The following RALGPS1 variants were observed in gnomAD, a reference collection of about 807,000 sequenced individuals.
RALGPS1 encodes ras-specific guanine nucleotide-releasing factor RalGPS1.
Under a neutral mutation model 78.8 loss-of-function variants are expected in RALGPS1, and 19 were observed. That is an observed-to-expected ratio of 0.24 (90% CI 0.17 to 0.35). The LOEUF (loss-of-function observed/expected upper bound fraction) is 0.35, where lower values mean the gene tolerates loss of function less well. Ranked by LOEUF, RALGPS1 falls within the 10% of genes least tolerant of loss-of-function variation. The probability of loss-of-function intolerance (pLI) is 1.00; values close to 1 mark genes in which losing one functional copy is unlikely to be tolerated. For synonymous variants in RALGPS1, 228 were observed against 256.3 expected, an observed-to-expected ratio of 0.89 and a Z score of 1.06; for missense variants, 454 against 688.3, an observed-to-expected ratio of 0.66 and a Z score of 3.81.
chr9:126,930,119 T>C (rs2035661326), intron 1 of RALGPS1, among the ~76,000 whole-genome samples: 1 of 152,076 alleles, frequency 6.6e-6, no homozygotes, highest in Non-Finnish European at 1.5e-5. Context: ...GCATGAGCCA[T>C]TGAGCCTGGC....
At chr9:127,137,215 C>T (rs1323065341) in intron 8 of RALGPS1, among the ~76,000 whole-genome samples, 4 of 152,226 alleles carry the variant, frequency 2.6e-5, no homozygotes, top group East Asian at 1.9e-4. Context: ...ACCCCAGCCA[C>T]GGCCTCAGAC....
At chr9:127,024,661 AAG>A (rs1435970708) in intron 4 of RALGPS1, among the ~76,000 whole-genome samples, 3 of 152,076 alleles carry the variant, frequency 2.0e-5, no homozygotes, top group Admixed American at 2.0e-4. Context: ...GGCCATTCAA[AAG>A]AGAATATGCC....
intron 1 of RALGPS1, among the ~76,000 whole-genome samples, chr9:126,931,378 C>T (rs1182846982): frequency 2.0e-5 from 3 of 152,088 alleles, no homozygotes; most frequent in Admixed American, 6.5e-5. Flanking sequence ...CAAATATCTA[C>T]CAGTTAATGA....
chr9:126,916,256 G>A (rs1309004377), intron 1 of RALGPS1, among the ~76,000 whole-genome samples: 1 of 152,194 alleles, frequency 6.6e-6, no homozygotes, highest in African/African-American at 2.4e-5. Context: ...GGTTTTGTTG[G>A]GAGTTCCCAA....
intron 4 of RALGPS1, among the ~76,000 whole-genome samples, chr9:126,987,844 A>C (rs962488549): frequency 2.6e-5 from 4 of 152,202 alleles, no homozygotes; most frequent in Non-Finnish European, 5.9e-5. Context: ...TCAGGCAGAC[A>C]TGTAAATAAA....
At chr9:127,127,674 C>T (rs182909046) in intron 8 of RALGPS1, among the ~76,000 whole-genome samples, 62 of 152,314 alleles carry the variant, frequency 4.1e-4, no homozygotes, top group African/African-American at 1.4e-3. Context: ...AGACATTGAG[C>T]TCAACATTTA....
chr9:127,018,190 G>A (rs1026518563), intron 4 of RALGPS1, among the ~76,000 whole-genome samples: 1 of 151,870 alleles, frequency 6.6e-6, no homozygotes, highest in Non-Finnish European at 1.5e-5. Flanking sequence ...ACTCCAGCCT[G>A]AGTGACAGCA....
Position 126,982,353 on chromosome 9 carries a change from G to C in RALGPS1, c.216+4608G>C, listed in dbSNP as rs1413975168. ...GCCTCTGCCAGTGCCCCAGCTATGT[G>C]ACCTTGGGTAAGTCACGTCACCTCT... is the stretch of plus-strand genomic sequence containing the variant. On this transcript the variant is annotated intron_variant, in intron 4 of 18. Transcript: ENST00000259351. 4.6e-5 allele frequency among the ~76,000 whole-genome samples: 7 copies of C among 152,170 alleles called. No individual in the cohort carries two copies. The East Asian group carries it at 9.6e-4, about 21-fold the overall frequency.
At chr9:127,096,357 G>C (rs1433560351) in intron 8 of RALGPS1, among the ~76,000 whole-genome samples, 1 of 152,274 alleles carries the variant, frequency 6.6e-6, no homozygotes, top group African/African-American at 2.4e-5. Flanking sequence ...CACAGGAGAG[G>C]CCGTTCGATG....
At chr9:127,193,668 G>C (rs538814595) in intron 11 of RALGPS1, among the ~76,000 whole-genome samples, 6 of 152,186 alleles carry the variant, frequency 3.9e-5, no homozygotes, top group Non-Finnish European at 8.8e-5. Flanking sequence ...ATGGGAACCT[G>C]TAGGCCACTG....
chr9:127,105,909 T>C (rs1361703225), intron 8 of RALGPS1, among the ~76,000 whole-genome samples: 17 of 152,242 alleles, frequency 1.1e-4, no homozygotes. Flanking sequence ...CTTTACTACA[T>C]GACATAATGT....
intron 4 of RALGPS1, among the ~76,000 whole-genome samples, chr9:127,032,374 CA>C: frequency 2.1e-5 from 1 of 46,712 alleles, no homozygotes; most frequent in Non-Finnish European, 4.9e-5. Flanking sequence ...TGTGCGTGTG[CA>C]CACACACACA....
chr9:127,021,175 C>A (rs1292976368), intron 4 of RALGPS1, among the ~76,000 whole-genome samples: 1 of 151,952 alleles, frequency 6.6e-6, no homozygotes, highest in Non-Finnish European at 1.5e-5. Flanking sequence ...ATTGCTTGAG[C>A]CCAGGAGTTT....
intron 11 of RALGPS1, among the ~76,000 whole-genome samples, chr9:127,176,373 C>G (rs1228786779): frequency 6.6e-6 from 1 of 152,160 alleles, no homozygotes; most frequent in Non-Finnish European, 1.5e-5. Context: ...AGCATTGCTC[C>G]TTTTAGGTGC....
At chr9:127,143,211 T>G (rs2057898295) in intron 8 of RALGPS1, among the ~76,000 whole-genome samples, 2 of 152,252 alleles carry the variant, frequency 1.3e-5, no homozygotes, top group Admixed American at 6.5e-5. Flanking sequence ...TTCCTCAGAA[T>G]AAGTTCCTGG....
chr9:127,126,239 C>G (rs144919451), intron 8 of RALGPS1, among the ~76,000 whole-genome samples: 1 of 152,114 alleles, frequency 6.6e-6, no homozygotes, highest in Non-Finnish European at 1.5e-5. Flanking sequence ...AGTCAACTGC[C>G]TTCCTTATTG....
At chr9:126,982,768 T>TTTCTTCTTCTTCTTCCTC (rs2041369403) in intron 4 of RALGPS1, among the ~76,000 whole-genome samples, 2 of 151,008 alleles carry the variant, frequency 1.3e-5, no homozygotes, top group African/African-American at 4.9e-5. Flanking sequence ...TTTTAAAATA[T>TTTCTTCTTCTTCTTCCTC]TTCTTCTTCT....
chr9:127,110,550 C>T (rs2054698281), intron 8 of RALGPS1, among the ~76,000 whole-genome samples: 1 of 152,216 alleles, frequency 6.6e-6, no homozygotes, highest in African/African-American at 2.4e-5. Flanking sequence ...CTCCCCAGGA[C>T]TCTAGACTCA....
At chr9:127,093,952 T>C in intron 8 of RALGPS1, 4 of 1,603,582 alleles carry the variant, frequency 2.5e-6, no homozygotes, top group Non-Finnish European at 3.4e-6. Flanking sequence ...TGCATATACA[T>C]CACAGACCTG....
Sources: gnomAD v4.1 joint callset for allele counts (sites outside exome capture counted in the v4.1 genomes callset) on GRCh38, gnomAD v4.1.1 for gene constraint, MANE v1.5 for transcripts, NCBI Gene and HGNC (gene_info 2026-07-23, HGNC 2026-07-21) for gene names.